Variants in TFCP2L1 observed in about 807,000 individuals in gnomAD.
TFCP2L1 encodes transcription factor CP2-like protein 1.
TFCP2L1 carries 12 observed loss-of-function variants against 72.2 expected under a neutral mutation model. The observed-to-expected ratio is 0.17, with a 90% CI of 0.11 to 0.27. TFCP2L1 has a LOEUF of 0.27. Among genes scored for constraint, TFCP2L1 ranks in the 10% least tolerant of loss-of-function variants. The pLI is 1.00. For synonymous variants in TFCP2L1, 260 were observed against 251.0 expected (o/e 1.04, Z -0.34); for missense variants, 488 against 624.6 (o/e 0.78, Z 2.33).
rs750563190 is a variant in TFCP2L1, at chr2:121,218,448, T to G, written c.*5893A>C. On this transcript the variant is annotated 3_prime_UTR_variant, in exon 15 of 15. Transcript: ENST00000263707. Reference sequence around the variant, plus strand: ...CACACCGGTAAGTGCTGATACAGGATGAGGGGTGCGGAGCTGAGGATGTTG... The same window carrying G: ...CACACCGGTAAGTGCTGATACAGGAGGAGGGGTGCGGAGCTGAGGATGTTG... The G allele has an allele frequency of 6.6e-6, 1 of 152,196 alleles. No individual in the cohort carries two copies. The highest frequency in any genetic ancestry group is 1.5e-5 in the Non-Finnish European group (1 of 68,056). The allele number at this position is 152,196 out of a possible 1,614,324, so 9.4% of individuals were successfully genotyped here.
At chr2:121,284,715 AG>A (rs2104778520) in intron 1 of TFCP2L1, among the ~76,000 whole-genome samples, 2 of 152,216 alleles carry the variant, frequency 1.3e-5, no homozygotes, top group Middle Eastern at 6.8e-3. Context: ...CGCGGGGGAG[AG>A]GAGGGCCGCA....
chr2:121,235,418 A>G, intron 10 of TFCP2L1, 107 bp from the exon 11 acceptor site: 2 of 1,079,448 alleles, frequency 1.9e-6, no homozygotes, highest in South Asian at 2.6e-5. Flanking sequence ...GGTGGGGAAG[A>G]GCCAGCTGCA....
intron 7 of TFCP2L1, among the ~76,000 whole-genome samples, chr2:121,242,083 C>CAAAAAAAAAA (rs541937558): frequency 1.5e-5 from 1 of 65,486 alleles, no homozygotes; most frequent in African/African-American, 5.2e-5. Context: ...ATTACCTACT[C>CAAAAAAAAAA]AAAAAAAAAA....
At chr2:121,241,782 AT>A (rs1458557046) in intron 7 of TFCP2L1, among the ~76,000 whole-genome samples, 2 of 152,180 alleles carry the variant, frequency 1.3e-5, no homozygotes, top group Admixed American at 1.3e-4. Context: ...CCAACAGGCC[AT>A]CACACATGAT....
At chr2:121,254,254 C>T (rs1019374508) in intron 2 of TFCP2L1, among the ~76,000 whole-genome samples, 3 of 152,210 alleles carry the variant, frequency 2.0e-5, no homozygotes, top group Admixed American at 6.5e-5. Flanking sequence ...AGTTAAGACA[C>T]ATTCTTGCCC....
At chr2:121,246,072 T>C (rs1686474117) in intron 6 of TFCP2L1, among the ~76,000 whole-genome samples, 1 of 152,202 alleles carries the variant, frequency 6.6e-6, no homozygotes, top group Non-Finnish European at 1.5e-5. Context: ...AAACACCTGC[T>C]AGAGCGGCCC....
intron 2 of TFCP2L1, among the ~76,000 whole-genome samples, chr2:121,255,964 G>C (rs977218545): frequency 1.6e-4 from 25 of 152,034 alleles, no homozygotes; most frequent in African/African-American, 5.3e-4. Context: ...GGATGGTCTC[G>C]ATCTCCTACC....
chr2:121,276,377 T>C (rs1356506567), intron 2 of TFCP2L1, among the ~76,000 whole-genome samples: 1 of 151,942 alleles, frequency 6.6e-6, no homozygotes, highest in African/African-American at 2.4e-5. Flanking sequence ...GTTTCACAAG[T>C]GTCCCAGCAT....
chr2:121,225,614 C>CTGAG lies in TFCP2L1; in HGVS notation c.1342-5_1342-2dup. 6.2e-7 allele frequency: 1 copy of CTGAG among 1,614,102 alleles called. No homozygotes were observed. Among genetic ancestry groups the CTGAG allele is most frequent in the Non-Finnish European group, 8.5e-7 (1 of 1,179,994 alleles). Reference sequence around the variant, plus strand: ...ATTCATCTTGGAAGTTCTGCACCATCTGAGAGACAAAAGAGAGAACATGTT... The same window carrying CTGAG: ...ATTCATCTTGGAAGTTCTGCACCATCTGAGTGAGAGACAAAAGAGAGAACATGTT... On this transcript the variant is annotated splice_acceptor_variant, in intron 13 of 14. Transcript: ENST00000263707. LOFTEE classifies it high-confidence loss of function.
intron 2 of TFCP2L1, among the ~76,000 whole-genome samples, chr2:121,251,077 T>C (rs1454548203): frequency 1.3e-5 from 2 of 151,704 alleles, no homozygotes; most frequent in African/African-American, 2.4e-5. Context: ...CTGACCAGTA[T>C]AGTGAAACCC....
intron 1 of TFCP2L1, among the ~76,000 whole-genome samples, chr2:121,284,531 G>A (rs2104778175): frequency 6.6e-6 from 1 of 152,356 alleles, no homozygotes; most frequent in Admixed American, 6.5e-5. Context: ...ATCGCGGGAA[G>A]TGGGGCGGCC....
At position 121,257,854 on chromosome 2, in the gene TFCP2L1, G is replaced by C. The variant is rs148518885; in HGVS notation, c.215-8207C>G. ...TCCTCCCAACTGCTTTCGGCGCTTT[G>C]CAACTTTGCCCACCCCTCCCTCCTT... On this transcript the variant is annotated intron_variant, in intron 2 of 14. Coordinates refer to ENST00000263707, the MANE Select transcript of TFCP2L1 (RefSeq NM_014553.3). Among the ~76,000 whole-genome samples the C allele has an allele frequency of 4.6e-4, 69 of 148,788 alleles. 1 individual carries two copies. In the East Asian group the frequency reaches 0.012, roughly 26 times the overall value.
At chr2:121,228,313 C>G (rs959638944) in intron 13 of TFCP2L1, among the ~76,000 whole-genome samples, 2 of 152,186 alleles carry the variant, frequency 1.3e-5, no homozygotes, top group South Asian at 2.1e-4. Context: ...AAAGGAAATT[C>G]ATTTTGGAAT....
At chr2:121,241,310 A>G (rs1317610356) in intron 7 of TFCP2L1, among the ~76,000 whole-genome samples, 1 of 152,210 alleles carries the variant, frequency 6.6e-6, no homozygotes, top group East Asian at 1.9e-4. Flanking sequence ...CCTGGCCAAC[A>G]TGGTGAAACC....
At chr2:121,256,579 C>T (rs1011702061) in intron 2 of TFCP2L1, among the ~76,000 whole-genome samples, 1 of 152,076 alleles carries the variant, frequency 6.6e-6, no homozygotes. Context: ...GAGTTCGAAA[C>T]CATCCTGGCC....
At chr2:121,266,649 G>A (rs1034227179) in intron 2 of TFCP2L1, among the ~76,000 whole-genome samples, 2 of 152,116 alleles carry the variant, frequency 1.3e-5, no homozygotes, top group African/African-American at 4.8e-5. Flanking sequence ...GTCACGAAAT[G>A]AAATTTTAGG....
At chr2:121,284,450 C>T (rs747218436) in intron 1 of TFCP2L1, among the ~76,000 whole-genome samples, 5 of 152,360 alleles carry the variant, frequency 3.3e-5, no homozygotes, top group Admixed American at 6.5e-5. Context: ...CTACTCAAAT[C>T]CCTCCAGCAG....
At chr2:121,231,615 T>C (rs1349947791) in intron 13 of TFCP2L1, among the ~76,000 whole-genome samples, 1 of 152,124 alleles carries the variant, frequency 6.6e-6, no homozygotes, top group Non-Finnish European at 1.5e-5. Context: ...CCAGGAGGGG[T>C]AAGGAGTGCC....
At chr2:121,269,918 A>AAAAAAAAATATATATATATATATATAT in intron 2 of TFCP2L1, among the ~76,000 whole-genome samples, 1 of 115,178 alleles carries the variant, frequency 8.7e-6, no homozygotes, top group African/African-American at 3.7e-5. Context: ...AAAAAAAAAA[A>AAAAAAAAATATATATATATATATATAT]ATATATATAT....
Sources: allele counts gnomAD v4.1 joint callset (sites outside exome capture counted in the v4.1 genomes callset), GRCh38; gene constraint gnomAD v4.1.1; transcripts MANE v1.5; gene names NCBI Gene and HGNC (gene_info 2026-07-23, HGNC 2026-07-21).